Variants in SUCLG2 observed in about 807,000 individuals in gnomAD.
SUCLG2 encodes succinate-CoA ligase GDP-forming subunit beta.
In SUCLG2, 42 loss-of-function variants were observed where a neutral mutation model predicts 47.9. The ratio of observed to expected loss-of-function variants is 0.88; its 90% CI spans 0.69 to 1.14. SUCLG2 has a LOEUF of 1.14. SUCLG2 is among the 50% of genes most tolerant of loss of function. The pLI is 0.00. For synonymous variants in SUCLG2, 195 were observed against 197.3 expected (o/e 0.99, Z 0.10); for missense variants, 571 against 525.9 (o/e 1.09, Z -0.84).
intron 9 of SUCLG2, among the ~76,000 whole-genome samples, chr3:67,430,388 T>C (rs916579762): frequency 1.1e-4 from 17 of 152,202 alleles, no homozygotes; most frequent in Non-Finnish European, 2.4e-4. Flanking sequence ...AATAAAGATG[T>C]TCTTTGAAAC....
At chr3:67,401,677 A>G (rs1396527865) in intron 9 of SUCLG2, among the ~76,000 whole-genome samples, 1 of 152,072 alleles carries the variant, frequency 6.6e-6, no homozygotes, top group Non-Finnish European at 1.5e-5. Context: ...AAGAGAATTC[A>G]TTACCTAGAT....
intron 2 of SUCLG2, among the ~76,000 whole-genome samples, chr3:67,560,708 G>T (rs919678962): frequency 1.3e-5 from 2 of 151,994 alleles, no homozygotes; most frequent in African/African-American, 4.8e-5. Flanking sequence ...TTGGGAGTGT[G>T]GGAGAACCTC....
chr3:67,609,855 T>C (rs1288374961), intron 1 of SUCLG2, among the ~76,000 whole-genome samples: 1 of 152,210 alleles, frequency 6.6e-6, no homozygotes, highest in East Asian at 1.9e-4. Flanking sequence ...GTGATCTAGT[T>C]AACAGTAATA....
rs370894892 is a variant in SUCLG2, at chr3:67,495,946, A to T, written c.920-6T>A. 11 of 1,613,740 alleles carry T rather than the reference A, an allele frequency of 6.8e-6. No individual in the cohort carries two copies. Among genetic ancestry groups the T allele is most frequent in the Non-Finnish European group, 9.3e-6 (11 of 1,179,868 alleles). On this transcript the variant is annotated splice_region_variant and splice_polypyrimidine_tract_variant and intron_variant, in intron 8 of 10. Transcript: ENST00000307227. The stretch of plus-strand genomic sequence containing the variant: ...GGCGAGCCCAGCACCATTCACTGTG[A>T]AATGCAAATGGGACACAAGACAGGC...
At chr3:67,563,707 C>T (rs918047042) in intron 2 of SUCLG2, among the ~76,000 whole-genome samples, 15 of 151,960 alleles carry the variant, frequency 9.9e-5, no homozygotes, top group Non-Finnish European at 1.9e-4. Flanking sequence ...TGTCTGTAAT[C>T]CCAGCACTTT....
chr3:67,588,354 A>T (rs1708078044), intron 2 of SUCLG2, among the ~76,000 whole-genome samples: 1 of 152,194 alleles, frequency 6.6e-6, no homozygotes, highest in African/African-American at 2.4e-5. Flanking sequence ...TGCAATCAAG[A>T]ATTAATCAGT....
chr3:67,395,256 G>A (rs916815479), intron 10 of SUCLG2, among the ~76,000 whole-genome samples: 4 of 152,112 alleles, frequency 2.6e-5, no homozygotes, highest in African/African-American at 9.7e-5. Flanking sequence ...AGACCCATCA[G>A]TGTGCTGTAT....
chr3:67,606,055 A>T (rs1700410895), intron 2 of SUCLG2, among the ~76,000 whole-genome samples: 1 of 152,028 alleles, frequency 6.6e-6, no homozygotes, highest in Non-Finnish European at 1.5e-5. Context: ...AGACACAAAA[A>T]TTAGCCAGGT....
chr3:67,398,141 A>G (rs1702591586), intron 10 of SUCLG2, among the ~76,000 whole-genome samples: 1 of 150,354 alleles, frequency 6.7e-6, no homozygotes, highest in South Asian at 2.1e-4. Flanking sequence ...CACCAAAAGC[A>G]ATGGCAACAA....
intron 9 of SUCLG2, among the ~76,000 whole-genome samples, chr3:67,448,925 C>T (rs764637089): frequency 9.2e-5 from 14 of 151,850 alleles, no homozygotes; most frequent in Non-Finnish European, 1.6e-4. Flanking sequence ...TTTTGAATTC[C>T]ATTGAGATAG....
intron 1 of SUCLG2, among the ~76,000 whole-genome samples, chr3:67,625,962 TCAA>T (rs2107343219): frequency 6.6e-6 from 1 of 151,670 alleles, no homozygotes; most frequent in Admixed American, 6.6e-5. Context: ...GATCCCACAG[TCAA>T]AAGAGCATAG....
chr3:67,599,187 C>A (rs1255097835), intron 2 of SUCLG2, among the ~76,000 whole-genome samples: 1 of 152,124 alleles, frequency 6.6e-6, no homozygotes, highest in Non-Finnish European at 1.5e-5. Context: ...AGTAACTTGC[C>A]TAGGGTTGTG....
intron 2 of SUCLG2, among the ~76,000 whole-genome samples, chr3:67,591,831 A>T (rs1026332869): frequency 1.3e-5 from 2 of 152,210 alleles, no homozygotes; most frequent in African/African-American, 4.8e-5. Flanking sequence ...ATAGAAATCT[A>T]TATCACATTC....
intron 9 of SUCLG2, among the ~76,000 whole-genome samples, chr3:67,406,263 T>C (rs950010847): frequency 1.3e-5 from 2 of 152,228 alleles, no homozygotes; most frequent in Admixed American, 6.5e-5. Context: ...TAAAAAGTTA[T>C]TAATTTAATA....
At chr3:67,363,116 T>G (rs140622389) in intron 10 of SUCLG2, among the ~76,000 whole-genome samples, 60 of 152,290 alleles carry the variant, frequency 3.9e-4, no homozygotes, top group Middle Eastern at 3.4e-3. Context: ...AATAAAGACA[T>G]GCAATAAATT....
rs1489443116 is a variant in SUCLG2 at position 67,375,552 on chromosome 3, T to C, written c.*192A>G. 4 of 1,374,154 alleles carry C rather than the reference T, an allele frequency of 2.9e-6. No homozygotes were observed. Among genetic ancestry groups the C allele is most frequent in the African/African-American group, 1.5e-5 (1 of 68,238 alleles). The allele number at this position is 1,374,154 out of a possible 1,614,324, so 85.1% of individuals were successfully genotyped here. ...ATGAGAACACAAGATATTATTTTTA[T>C]AAAGACCAAAATCAGATTTAGGCTG... On this transcript the variant is annotated 3_prime_UTR_variant, in exon 11 of 11. Coordinates refer to ENST00000307227, the MANE Select transcript of SUCLG2 (RefSeq NM_003848.4).
intron 9 of SUCLG2, among the ~76,000 whole-genome samples, chr3:67,429,437 C>T (rs1488932079): frequency 6.6e-6 from 1 of 152,206 alleles, no homozygotes. Flanking sequence ...CTTACAAGAG[C>T]TCCTGAAGGA....
intron 9 of SUCLG2, among the ~76,000 whole-genome samples, chr3:67,462,479 C>T (rs1704361322): frequency 6.6e-6 from 1 of 152,138 alleles, no homozygotes; most frequent in South Asian, 2.1e-4. Context: ...AATGGACTCT[C>T]CATAAAAGGT....
chr3:67,389,419 C>A (rs1702331228), intron 10 of SUCLG2, among the ~76,000 whole-genome samples: 1 of 152,092 alleles, frequency 6.6e-6, no homozygotes, highest in Non-Finnish European at 1.5e-5. Flanking sequence ...ATTTTAAAGG[C>A]CCTTCATAAA....
Sources: gnomAD v4.1 joint callset for allele counts (sites outside exome capture counted in the v4.1 genomes callset) on GRCh38, gnomAD v4.1.1 for gene constraint, MANE v1.5 for transcripts, NCBI Gene and HGNC (gene_info 2026-07-23, HGNC 2026-07-21) for gene names.